The following DLG2 variants were observed in gnomAD, a reference collection of about 807,000 sequenced individuals.
DLG2 encodes the protein disks large homolog 2.
A neutral mutation model predicts 132.5 loss-of-function variants in DLG2; 45 were observed. The ratio of observed to expected loss-of-function variants is 0.34; its 90% CI spans 0.27 to 0.44. The LOEUF (loss-of-function observed/expected upper bound fraction) is 0.44. Ranked by LOEUF, DLG2 falls within the 20% of genes least tolerant of loss-of-function variation. DLG2 has a pLI of 1.00. For missense variants in DLG2, 1,045 were observed against 1,196.9 expected (o/e 0.87, Z 1.87); for synonymous variants, 424 against 419.6 (o/e 1.01, Z -0.13).
intron 6 of DLG2, among the ~76,000 whole-genome samples, chr11:85,053,796 CAAAAAAAAAA>C (rs34604489): frequency 6.5e-5 from 3 of 45,804 alleles, no homozygotes; most frequent in African/African-American, 3.0e-4. Flanking sequence ...GACTCTGTCT[CAAAAAAAAAA>C]AAAAAAAAAA....
At chr11:83,549,521 T>C (rs1483856309) in intron 19 of DLG2, among the ~76,000 whole-genome samples, 1 of 152,166 alleles carries the variant, frequency 6.6e-6, no homozygotes, top group East Asian at 1.9e-4. Context: ...ACTCTAAAGA[T>C]GAGCAAGTGT....
At chr11:83,813,316 T>C (rs939243922) in intron 17 of DLG2, among the ~76,000 whole-genome samples, 1 of 152,136 alleles carries the variant, frequency 6.6e-6, no homozygotes, top group African/African-American at 2.4e-5. Flanking sequence ...GGAAGACAAT[T>C]TCAAAGTGAG....
chr11:83,704,420 A>G (rs1034332487), intron 18 of DLG2, among the ~76,000 whole-genome samples: 1 of 152,182 alleles, frequency 6.6e-6, no homozygotes, highest in Non-Finnish European at 1.5e-5. Context: ...TAGTTCTTCA[A>G]TTGTTTTTTT....
chr11:83,983,958 A>C (rs1035079900), intron 11 of DLG2, among the ~76,000 whole-genome samples: 2 of 152,138 alleles, frequency 1.3e-5, no homozygotes, highest in African/African-American at 4.8e-5. Flanking sequence ...ATAAAAGTAC[A>C]GAGGTTATTC....
At chr11:85,421,685 T>C (rs1380421085) in intron 3 of DLG2, among the ~76,000 whole-genome samples, 1 of 152,108 alleles carries the variant, frequency 6.6e-6, no homozygotes, top group Non-Finnish European at 1.5e-5. Context: ...AAATGTGAGG[T>C]ACCATTCCAT....
intron 18 of DLG2, among the ~76,000 whole-genome samples, chr11:83,699,182 C>G (rs1317574428): frequency 6.6e-6 from 1 of 151,730 alleles, no homozygotes; most frequent in African/African-American, 2.4e-5. Flanking sequence ...CCCAATATAT[C>G]ACATGAGTTA....
intron 7 of DLG2, among the ~76,000 whole-genome samples, chr11:84,501,811 A>G (rs1361770733): frequency 6.6e-6 from 1 of 152,196 alleles, no homozygotes; most frequent in Non-Finnish European, 1.5e-5. Context: ...AAGCCACCAA[A>G]AGAGTAATTT....
chr11:84,663,136 A>T (rs993752205), intron 6 of DLG2, among the ~76,000 whole-genome samples: 5 of 152,048 alleles, frequency 3.3e-5, no homozygotes, highest in South Asian at 2.1e-4. Flanking sequence ...ATCACCTCAG[A>T]TATTAACTAT....
At chr11:84,381,259 C>T (rs1415789821) in intron 7 of DLG2, among the ~76,000 whole-genome samples, 1 of 151,950 alleles carries the variant, frequency 6.6e-6, no homozygotes, top group East Asian at 1.9e-4. Flanking sequence ...CAAGGAAATA[C>T]TAGACCCAGA....
intron 11 of DLG2, among the ~76,000 whole-genome samples, chr11:84,008,411 T>C: frequency 6.6e-6 from 1 of 151,980 alleles, no homozygotes; most frequent in Non-Finnish European, 1.5e-5. Context: ...GTTATCTCAA[T>C]GATTGATATA....
intron 15 of DLG2, among the ~76,000 whole-genome samples, chr11:83,883,154 T>C (rs191175480): frequency 9.6e-4 from 146 of 152,344 alleles, no homozygotes; most frequent in Non-Finnish European, 1.5e-3. Flanking sequence ...TCATCCACAC[T>C]TTTAATTTGA....
chr11:84,462,701 G>A (rs548534320), intron 7 of DLG2, among the ~76,000 whole-genome samples: 2 of 151,068 alleles, frequency 1.3e-5, no homozygotes, highest in East Asian at 3.9e-4. Flanking sequence ...TTTTAATGGT[G>A]AACAGGAAAT....
At chr11:85,517,451 G>T (rs1565622199) in intron 3 of DLG2, among the ~76,000 whole-genome samples, 1 of 152,104 alleles carries the variant, frequency 6.6e-6, no homozygotes, top group East Asian at 1.9e-4. Context: ...GAAGTAGAAA[G>T]AAATAAACAG....
chr11:85,197,043 T>C (rs993557045), intron 4 of DLG2, among the ~76,000 whole-genome samples: 4 of 152,154 alleles, frequency 2.6e-5, no homozygotes, highest in South Asian at 2.1e-4. Context: ...TTCTACATTA[T>C]AAAGATAAAA....
At chr11:84,519,476 C>A (rs1244244386) in intron 7 of DLG2, among the ~76,000 whole-genome samples, 1 of 152,138 alleles carries the variant, frequency 6.6e-6, no homozygotes, top group African/African-American at 2.4e-5. Context: ...ATGGCACTAA[C>A]TAATAAACAG....
At chr11:84,308,682 C>T (rs1032448490) in intron 7 of DLG2, among the ~76,000 whole-genome samples, 2 of 152,090 alleles carry the variant, frequency 1.3e-5, no homozygotes, top group East Asian at 1.9e-4. Context: ...AGCCCTGCCC[C>T]GCGGGGAGGC....
At chr11:83,690,004 T>C (rs1011636111) in intron 18 of DLG2, among the ~76,000 whole-genome samples, 4 of 142,438 alleles carry the variant, frequency 2.8e-5, no homozygotes, top group African/African-American at 8.0e-5. Flanking sequence ...ATATTATATT[T>C]ATTATAATAT....
Position 83,833,741 on chromosome 11 carries a change from C to A in DLG2, c.1595G>T (p.Gly532Val). The change falls in exon 17 of 28, where the codon GGC becomes GTC. Residue 532 changes from glycine (G) to valine (V), a missense_variant. By Grantham distance (109) the Gly-to-Val change is moderately radical. Coordinates refer to ENST00000376104, the MANE Select transcript of DLG2 (RefSeq NM_001142699.3). ...AATGTTGAAGCCCAGGCCAGTGGAG[C>A]CTTTGTGCAGGACTACCTTGCGAGG... The part of the protein sequence containing the change: ...GEPRKVVLHK[G>V]STGLGFNIVG... 1 of 1,613,944 alleles carries A rather than the reference C, an allele frequency of 6.2e-7. No homozygotes were observed. The highest frequency in any genetic ancestry group is 8.5e-7 in the Non-Finnish European group (1 of 1,179,928).
chr11:84,737,770 C>T (rs979733350), intron 6 of DLG2, among the ~76,000 whole-genome samples: 2 of 151,862 alleles, frequency 1.3e-5, no homozygotes, highest in Admixed American at 6.6e-5. Context: ...AATAGTTCAA[C>T]TCAAGGAACA....
Sources: allele counts gnomAD v4.1 joint callset (sites outside exome capture counted in the v4.1 genomes callset), GRCh38; gene constraint gnomAD v4.1.1; transcripts MANE v1.5; gene names NCBI Gene and HGNC (gene_info 2026-07-23, HGNC 2026-07-21).